The following CORIN variants were observed in gnomAD, a reference collection of about 807,000 sequenced individuals.
CORIN encodes atrial natriuretic peptide-converting enzyme.
Under a neutral mutation model 125.3 loss-of-function variants are expected in CORIN, and 117 were observed. That is an observed-to-expected ratio of 0.93 (90% confidence interval 0.80 to 1.09). The LOEUF (loss-of-function observed/expected upper bound fraction) is 1.09. Among genes scored for constraint, CORIN ranks in the 50% least tolerant of loss-of-function variants. The probability of loss-of-function intolerance (pLI) is 0.00; values close to 1 mark genes in which losing one functional copy is unlikely to be tolerated. For missense variants in CORIN, 1,253 were observed against 1,306.7 expected (o/e 0.96, Z 0.63); for synonymous variants, 450 against 466.4 (o/e 0.96, Z 0.45).
chr4:47,812,878 T>A (rs1732119099), intron 1 of CORIN, among the ~76,000 whole-genome samples: 1 of 152,222 alleles, frequency 6.6e-6, no homozygotes, highest in African/African-American at 2.4e-5. Flanking sequence ...ATTATGCAAA[T>A]AACTACTTCT....
At chr4:47,727,197 A>G (rs1304331087) in intron 5 of CORIN, among the ~76,000 whole-genome samples, 2 of 152,030 alleles carry the variant, frequency 1.3e-5, no homozygotes, top group African/African-American at 2.4e-5. Context: ...TTGCTTTTTG[A>G]CAGTACAGTG....
chr4:47,665,031 C>T lies in CORIN; in HGVS notation c.1589+1G>A. The T allele has an allele frequency of 1.3e-6, 2 of 1,592,966 alleles. No homozygotes were observed. Among genetic ancestry groups the T allele is most frequent in the Non-Finnish European group, 1.7e-6 (2 of 1,161,174 alleles). ...GACTGGGGTAGATCCCATCATATTA[C>T]CTGCAAGGAGGGATATGCTCGCCTG... is the stretch of plus-strand genomic sequence containing the variant. On this transcript the variant is annotated splice_donor_variant, in intron 11 of 21. Coordinates refer to ENST00000273857, the MANE Select transcript of CORIN (RefSeq NM_006587.4). LOFTEE classifies it high-confidence loss of function.
intron 8 of CORIN, among the ~76,000 whole-genome samples, chr4:47,678,413 A>G (rs998605755): frequency 2.0e-5 from 3 of 152,220 alleles, no homozygotes; most frequent in Admixed American, 1.3e-4. Flanking sequence ...AGATACTATC[A>G]TCTTTGTTTT....
At chr4:47,616,744 T>C (rs1472705705) in intron 19 of CORIN, among the ~76,000 whole-genome samples, 1 of 152,096 alleles carries the variant, frequency 6.6e-6, no homozygotes, top group Non-Finnish European at 1.5e-5. Context: ...GAAACTCTTT[T>C]AGGAATTTTT....
chr4:47,595,915 A>C lies in CORIN; in HGVS notation c.2947-12T>G. ...CCACCGCTGTCACCCTGCAATAAGT[A>C]ACGATGGGAGTTAGGAACTGGCATT... is the stretch of plus-strand genomic sequence containing the variant. On this transcript the variant is annotated splice_polypyrimidine_tract_variant and intron_variant, in intron 21 of 21. Coordinates refer to ENST00000273857, the MANE Select transcript of CORIN (RefSeq NM_006587.4). The C allele has an allele frequency of 6.2e-7, 1 of 1,603,246 alleles. No individual in the cohort carries two copies. Among genetic ancestry groups the C allele is most frequent in the Non-Finnish European group, 8.5e-7 (1 of 1,175,980 alleles).
intron 1 of CORIN, among the ~76,000 whole-genome samples, chr4:47,836,856 C>T (rs73238640): frequency 0.012 from 1,753 of 152,330 alleles, 8 homozygotes; most frequent in Non-Finnish European, 0.018. Context: ...CGACAAGACA[C>T]CACCTCCCTT....
intron 6 of CORIN, among the ~76,000 whole-genome samples, chr4:47,689,693 A>C (rs6447580): frequency 6.6e-6 from 1 of 151,970 alleles, no homozygotes; most frequent in Non-Finnish European, 1.5e-5. Context: ...TCTAGGAGCC[A>C]GTTATAGACT....
intron 13 of CORIN, among the ~76,000 whole-genome samples, chr4:47,650,250 T>G (rs1398304500): frequency 1.3e-5 from 2 of 152,252 alleles, no homozygotes; most frequent in African/African-American, 4.8e-5. Flanking sequence ...TTAATGACAC[T>G]CAGACATTTG....
At chr4:47,688,474 C>T (rs1322039164) in intron 6 of CORIN, among the ~76,000 whole-genome samples, 7 of 152,126 alleles carry the variant, frequency 4.6e-5, no homozygotes, top group Non-Finnish European at 1.0e-4. Context: ...TGGTGGCTCA[C>T]GCCTGTAGTT....
At chr4:47,628,852 A>G (rs1722691286) in intron 16 of CORIN, among the ~76,000 whole-genome samples, 1 of 152,114 alleles carries the variant, frequency 6.6e-6, no homozygotes, top group Non-Finnish European at 1.5e-5. Context: ...GTGTATGTGT[A>G]TTCTTTGCAT....
At chr4:47,816,982 C>T (rs921701675) in intron 1 of CORIN, among the ~76,000 whole-genome samples, 4 of 152,092 alleles carry the variant, frequency 2.6e-5, no homozygotes, top group East Asian at 1.9e-4. Flanking sequence ...TTGAGCAATA[C>T]GGTGTGGTCA....
At chr4:47,802,926 CTGTT>C (rs1731608225) in intron 2 of CORIN, among the ~76,000 whole-genome samples, 3 of 152,250 alleles carry the variant, frequency 2.0e-5, no homozygotes, top group Admixed American at 6.5e-5. Flanking sequence ...GAGAGAGACT[CTGTT>C]TGTTTGGGAG....
intron 5 of CORIN, among the ~76,000 whole-genome samples, chr4:47,712,081 T>C (rs1726867563): frequency 6.6e-6 from 1 of 152,224 alleles, no homozygotes; most frequent in Non-Finnish European, 1.5e-5. Context: ...AGAACTGTAG[T>C]GAAGATTAAT....
chr4:47,720,772 G>A (rs979685856), intron 5 of CORIN, among the ~76,000 whole-genome samples: 17 of 152,100 alleles, frequency 1.1e-4, no homozygotes, highest in African/African-American at 4.1e-4. Flanking sequence ...TTCCAACTTT[G>A]AATGCTATTA....
chr4:47,608,878 C>T (rs1010118793), intron 19 of CORIN, among the ~76,000 whole-genome samples: 4 of 152,156 alleles, frequency 2.6e-5, no homozygotes, highest in African/African-American at 4.8e-5. Flanking sequence ...CTAGTTTAGA[C>T]ATGAAATTTT....
At chr4:47,694,486 T>C (rs1345265777) in intron 5 of CORIN, among the ~76,000 whole-genome samples, 1 of 152,132 alleles carries the variant, frequency 6.6e-6, no homozygotes, top group Non-Finnish European at 1.5e-5. Context: ...TGTGTATGTG[T>C]GTGTGTGTGT....
At chr4:47,835,415 G>C (rs536201239) in intron 1 of CORIN, among the ~76,000 whole-genome samples, 5 of 152,324 alleles carry the variant, frequency 3.3e-5, no homozygotes, top group Admixed American at 2.6e-4. Context: ...CTGCTCCTCA[G>C]AGAGCTCTTA....
intron 5 of CORIN, among the ~76,000 whole-genome samples, chr4:47,711,831 T>C (rs1490905615): frequency 6.6e-6 from 1 of 152,178 alleles, no homozygotes; most frequent in Non-Finnish European, 1.5e-5. Context: ...AGAAGGTGGG[T>C]GGGTTCTTCA....
At chr4:47,769,147 A>T (rs973329450) in intron 3 of CORIN, among the ~76,000 whole-genome samples, 1 of 152,202 alleles carries the variant, frequency 6.6e-6, no homozygotes, top group African/African-American at 2.4e-5. Flanking sequence ...CAAAATCAAC[A>T]TAAAAAATCA....
Sources: gnomAD v4.1 joint callset for allele counts (sites outside exome capture counted in the v4.1 genomes callset) on GRCh38, gnomAD v4.1.1 for gene constraint, MANE v1.5 for transcripts, NCBI Gene and HGNC (gene_info 2026-07-23, HGNC 2026-07-21) for gene names.